The following POU2F1 variants were observed in gnomAD, a reference collection of about 807,000 sequenced individuals.
The protein encoded by POU2F1 is POU class 2 homeobox 1.
POU2F1 carries 16 observed loss-of-function variants against 84.9 expected under a neutral mutation model. The ratio of observed to expected loss-of-function variants is 0.19; its 90% CI spans 0.13 to 0.29. The LOEUF (loss-of-function observed/expected upper bound fraction) is 0.29. Among genes scored for constraint, POU2F1 ranks in the 10% least tolerant of loss-of-function variants. The pLI is 1.00. For synonymous variants in POU2F1, 368 were observed against 368.3 expected, an observed-to-expected ratio of 1.00 and a Z score of 0.01; for missense variants, 738 against 942.6, an observed-to-expected ratio of 0.78 and a Z score of 2.84.
At chr1:167,370,957 T>G (rs1484201718) in intron 4 of POU2F1, among the ~76,000 whole-genome samples, 1 of 152,180 alleles carries the variant, frequency 6.6e-6, no homozygotes, top group Non-Finnish European at 1.5e-5. Context: ...ATTATAGTGT[T>G]TAGGTAACTA....
intron 1 of POU2F1, among the ~76,000 whole-genome samples, chr1:167,221,464 C>T (rs1220927022): frequency 6.7e-6 from 1 of 148,590 alleles, no homozygotes; most frequent in African/African-American, 2.5e-5. Context: ...GGGATGGAGG[C>T]GGCGGCGAGC....
intron 1 of POU2F1, among the ~76,000 whole-genome samples, chr1:167,301,031 A>G (rs951231880): frequency 6.6e-6 from 1 of 152,214 alleles, no homozygotes; most frequent in Non-Finnish European, 1.5e-5. Context: ...TGGCCTCCCA[A>G]AGTGCTGAGA....
chr1:167,278,868 T>A (rs915655110), intron 1 of POU2F1, among the ~76,000 whole-genome samples: 1 of 152,238 alleles, frequency 6.6e-6, no homozygotes, highest in Non-Finnish European at 1.5e-5. Flanking sequence ...TTTCAAGACC[T>A]ATTTCACATG....
At chr1:167,287,403 G>A (rs967079560) in intron 1 of POU2F1, among the ~76,000 whole-genome samples, 5 of 152,172 alleles carry the variant, frequency 3.3e-5, no homozygotes, top group African/African-American at 1.2e-4. Context: ...TATTCCTCCA[G>A]ATTAAAGTTT....
At chr1:167,378,489 C>T (rs1445752448) in intron 7 of POU2F1, among the ~76,000 whole-genome samples, 3 of 151,636 alleles carry the variant, frequency 2.0e-5, no homozygotes, top group Non-Finnish European at 2.9e-5. Context: ...TCACTGCAAC[C>T]TCTACCTCCT....
chr1:167,297,707 G>A (rs1654381657), intron 1 of POU2F1, among the ~76,000 whole-genome samples: 1 of 152,168 alleles, frequency 6.6e-6, no homozygotes. Flanking sequence ...CAACCAGCAT[G>A]TACTACTACT....
intron 1 of POU2F1, among the ~76,000 whole-genome samples, chr1:167,328,074 A>G (rs1439749659): frequency 6.6e-6 from 1 of 152,198 alleles, no homozygotes; most frequent in East Asian, 1.9e-4. Flanking sequence ...TAAGGATTAT[A>G]TATATGTATG....
rs188470741 is a variant in POU2F1, at chr1:167,387,467, T to C, written c.814-2121T>C. 2.3e-3 allele frequency among the ~76,000 whole-genome samples: 347 copies of C among 152,302 alleles called. 1 individual carries two copies. The highest frequency in any genetic ancestry group is 8.1e-3 in the African/African-American group (335 of 41,572). ...ACGCAGTGTCAGCATGACATAGAAA[T>C]GAACTTTGTTATTGTCATTGAAACA... On this transcript the variant is annotated intron_variant, in intron 8 of 15. Coordinates refer to ENST00000367866, the MANE Select transcript of POU2F1 (RefSeq NM_002697.4).
At chr1:167,262,878 T>A (rs1475366292) in intron 1 of POU2F1, among the ~76,000 whole-genome samples, 2 of 152,138 alleles carry the variant, frequency 1.3e-5, no homozygotes, top group Non-Finnish European at 1.5e-5. Context: ...GCAAAAGTAG[T>A]TCAATTTGGC....
chr1:167,317,710 C>T (rs1656011010), intron 1 of POU2F1, among the ~76,000 whole-genome samples: 1 of 152,206 alleles, frequency 6.6e-6, no homozygotes, highest in Admixed American at 6.5e-5. Context: ...GTGTTCCTTG[C>T]CCTCCTTCCG....
Position 167,401,451 on chromosome 1 carries a change from G to A in POU2F1, c.1450G>A (p.Val484Met), listed in dbSNP as rs761713740. Reference protein sequence around the residue: ...KAIFPSPTSLVATTPSLVTSS... With the variant: ...KAIFPSPTSLMATTPSLVTSS... Reference sequence around the variant, plus strand: ...CCATGTTTTCATTTCTGACCTCAAGGTGGCGACCACACCAAGCCTTGTGAC... The same window carrying A: ...CCATGTTTTCATTTCTGACCTCAAGATGGCGACCACACCAAGCCTTGTGAC... Residue 484 changes from valine to methionine, a missense_variant and splice_region_variant, in exon 13 of 16, where the codon GTG becomes ATG. By Grantham distance (21) the Val-to-Met change is conservative (BLOSUM62 1). Around this residue, in one of 4 missense-constraint regions of POU2F1, gnomAD observed 319 missense variants for 386.0 expected, o/e 0.83. Transcript: ENST00000367866. The A allele has an allele frequency of 1.9e-6, 3 of 1,607,340 alleles. No individual in the cohort carries two copies. The highest frequency in any genetic ancestry group is 1.7e-5 in the Admixed American group (1 of 59,508).
chr1:167,341,176 TC>T (rs1657823757), intron 2 of POU2F1, among the ~76,000 whole-genome samples: 1 of 152,230 alleles, frequency 6.6e-6, no homozygotes, highest in East Asian at 1.9e-4. Flanking sequence ...TTCCAATTCT[TC>T]AGACTTCATT....
intron 1 of POU2F1, among the ~76,000 whole-genome samples, chr1:167,248,458 G>T (rs1247317267): frequency 6.6e-6 from 1 of 152,172 alleles, no homozygotes; most frequent in Non-Finnish European, 1.5e-5. Flanking sequence ...AGTTCGGTAG[G>T]GAAAGGGAGG....
At chr1:167,400,224 G>A (rs1649113163) in intron 12 of POU2F1, among the ~76,000 whole-genome samples, 1 of 151,746 alleles carries the variant, frequency 6.6e-6, no homozygotes, top group Non-Finnish European at 1.5e-5. Context: ...CTGACCTCAG[G>A]TGATCCACCT....
intron 7 of POU2F1, among the ~76,000 whole-genome samples, chr1:167,381,734 C>T (rs956052938): frequency 3.3e-5 from 5 of 150,484 alleles, no homozygotes; most frequent in African/African-American, 9.8e-5. Flanking sequence ...CCTCGCCTCC[C>T]GAGTAGCTGG....
chr1:167,337,859 G>A (rs1657577818), intron 2 of POU2F1: 1 of 287,708 alleles, frequency 3.5e-6, no homozygotes, highest in Admixed American at 4.6e-5. Flanking sequence ...CAAGATTTAA[G>A]GCAGGAAGGA....
chr1:167,324,497 G>A (rs996417731), intron 1 of POU2F1, among the ~76,000 whole-genome samples: 5 of 151,980 alleles, frequency 3.3e-5, no homozygotes, highest in African/African-American at 9.7e-5. Context: ...ATATGCTTTG[G>A]GTTAAAATAC....
intron 8 of POU2F1, among the ~76,000 whole-genome samples, chr1:167,385,561 GA>G (rs924359444): frequency 6.7e-5 from 10 of 148,828 alleles, no homozygotes; most frequent in Admixed American, 6.7e-5. Flanking sequence ...ATTTCAATGG[GA>G]AAAAAAAAGT....
At chr1:167,370,985 A>T (rs1208728855) in intron 4 of POU2F1, among the ~76,000 whole-genome samples, 1 of 152,216 alleles carries the variant, frequency 6.6e-6, no homozygotes, top group East Asian at 1.9e-4. Flanking sequence ...AGAGGGAAAG[A>T]CAGTATTATG....
Sources: gnomAD v4.1 joint callset for allele counts (sites outside exome capture counted in the v4.1 genomes callset) on GRCh38, gnomAD v4.1.1 for gene constraint, gnomAD v4.1.1 regional missense constraint, MANE v1.5 for transcripts, NCBI Gene and HGNC (gene_info 2026-07-23, HGNC 2026-07-21) for gene names.